GAB2: variants seen among roughly 807,000 people sequenced by gnomAD.
GAB2 encodes GRB2-associated-binding protein 2.
In GAB2, 26 loss-of-function variants were observed where a neutral mutation model predicts 65.5. The observed-to-expected ratio is 0.40, with a 90% CI of 0.29 to 0.55. GAB2 has a LOEUF of 0.55. Among genes scored for constraint, GAB2 ranks in the 20% least tolerant of loss-of-function variants. The pLI is 0.53. For synonymous variants in GAB2, 321 were observed against 329.6 expected (o/e 0.97, Z 0.28); for missense variants, 884 against 875.8 (o/e 1.01, Z -0.12).
At chr11:78,305,569 G>T (rs1855338457) in intron 1 of GAB2, among the ~76,000 whole-genome samples, 1 of 152,162 alleles carries the variant, frequency 6.6e-6, no homozygotes, top group African/African-American at 2.4e-5. Context: ...GCCTCTTTGT[G>T]TGGAGGTAAG....
At chr11:78,335,946 ACTT>A (rs1205478309) in intron 1 of GAB2, among the ~76,000 whole-genome samples, 1 of 151,980 alleles carries the variant, frequency 6.6e-6, no homozygotes, top group African/African-American at 2.4e-5. Flanking sequence ...GAGATCTTTC[ACTT>A]TTTTAGTTAA....
intron 1 of GAB2, among the ~76,000 whole-genome samples, chr11:78,389,730 C>T (rs1856810281): frequency 6.6e-6 from 1 of 152,136 alleles, no homozygotes; most frequent in African/African-American, 2.4e-5. Flanking sequence ...ATGTGAATTA[C>T]ATCCCAACAA....
rs56709163 is a variant in GAB2, at chr11:78,322,298, C to CAAAAAAAAAAAAAAAAA, written c.76-41414_76-41398dup. 5.0e-4 allele frequency among the ~76,000 whole-genome samples: 6 copies of CAAAAAAAAAAAAAAAAA among 12,076 alleles called. 1 individual carries two copies. Among genetic ancestry groups the CAAAAAAAAAAAAAAAAA allele is most frequent in the Admixed American group, 2.0e-3 (2 of 980 alleles). 7.9% of individuals were successfully genotyped at this position (12,076 alleles called of 152,430 possible). A position where few individuals can be genotyped will look rare whatever the true frequency, so the allele number is the denominator to read the frequency against. Reference sequence around the variant, plus strand: ...TGGCTGACAGAGGGAGACTCTGTCTCAAAAAAAAAAAAAAAAAAAAAAAAA... The same window carrying CAAAAAAAAAAAAAAAAA: ...TGGCTGACAGAGGGAGACTCTGTCTCAAAAAAAAAAAAAAAAAAAAAAAAAAAAAAAAAAAAAAAAAA... On this transcript the variant is annotated intron_variant, in intron 1 of 9. Coordinates refer to ENST00000361507, the MANE Select transcript of GAB2 (RefSeq NM_080491.3).
intron 3 of GAB2, among the ~76,000 whole-genome samples, chr11:78,230,257 C>G (rs779533812): frequency 6.6e-6 from 1 of 152,244 alleles, no homozygotes; most frequent in African/African-American, 2.4e-5. Context: ...CACTAGCTTA[C>G]GTTCCAACTT....
At position 78,226,848 on chromosome 11, in the gene GAB2, T is replaced by C. The variant is rs549120891; in HGVS notation, c.824A>G (p.His275Arg). Reference protein sequence around the residue: ...TYDLPRSLASHGHTKGSLTGS... With the variant: ...TYDLPRSLASRGHTKGSLTGS... ...TGTGAGGCTGCCCTTGGTGTGGCCA[T>C]GGGAGGCCAGGCTGCGGGGGAGGTC... Residue 275 changes from histidine to arginine, a missense_variant, in exon 4 of 10, where the codon CAT (histidine) becomes CGT (arginine). Coordinates refer to ENST00000361507, the MANE Select transcript of GAB2 (RefSeq NM_080491.3). 98 of 1,613,894 alleles carry C rather than the reference T, an allele frequency of 6.1e-5. 1 individual carries two copies. The South Asian group carries it at 9.8e-4, about 16-fold the overall frequency.
At chr11:78,287,572 C>G (rs566347879) in intron 1 of GAB2, among the ~76,000 whole-genome samples, 1 of 152,212 alleles carries the variant, frequency 6.6e-6, no homozygotes, top group South Asian at 2.1e-4. Flanking sequence ...ACCAGCAAAC[C>G]TGGCCTATAC....
chr11:78,310,949 T>G (rs1446101172), intron 1 of GAB2, among the ~76,000 whole-genome samples: 2 of 152,130 alleles, frequency 1.3e-5, no homozygotes, highest in Non-Finnish European at 2.9e-5. Context: ...TTACTAAAGG[T>G]TTTTTCTTTC....
chr11:78,351,026 C>G (rs1469263871), intron 1 of GAB2, among the ~76,000 whole-genome samples: 1 of 152,216 alleles, frequency 6.6e-6, no homozygotes, highest in African/African-American at 2.4e-5. Flanking sequence ...TTAGAGGAAA[C>G]AGACTCGCAG....
intron 1 of GAB2, among the ~76,000 whole-genome samples, chr11:78,306,752 A>C (rs1855370221): frequency 6.6e-6 from 1 of 152,240 alleles, no homozygotes; most frequent in African/African-American, 2.4e-5. Context: ...AACAGGATTT[A>C]GATTCTGAAG....
chr11:78,221,392 G>C (rs1274935040), intron 8 of GAB2, among the ~76,000 whole-genome samples: 1 of 152,146 alleles, frequency 6.6e-6, no homozygotes, highest in African/African-American at 2.4e-5. Flanking sequence ...GCCTATCCAA[G>C]GGCACAGATC....
At chr11:78,297,102 G>A (rs1866852276) in intron 1 of GAB2, among the ~76,000 whole-genome samples, 2 of 152,110 alleles carry the variant, frequency 1.3e-5, no homozygotes, top group East Asian at 1.9e-4. Context: ...ATTGATTTTG[G>A]GGTTACAAGT....
chr11:78,272,212 CT>C (rs1309973381), intron 2 of GAB2, among the ~76,000 whole-genome samples: 1 of 152,100 alleles, frequency 6.6e-6, no homozygotes, highest in Non-Finnish European at 1.5e-5. Context: ...GAAAAGATAA[CT>C]GAAAATATGG....
At chr11:78,287,169 T>G (rs1866506486) in intron 1 of GAB2, among the ~76,000 whole-genome samples, 1 of 152,196 alleles carries the variant, frequency 6.6e-6, no homozygotes, top group Non-Finnish European at 1.5e-5. Flanking sequence ...TTTGATAAAA[T>G]TAAACACTCA....
chr11:78,360,392 A>AT (rs1385685989), intron 1 of GAB2, among the ~76,000 whole-genome samples: 2 of 70,880 alleles, frequency 2.8e-5, no homozygotes, highest in Non-Finnish European at 4.1e-5. Context: ...CTGTTTCTGT[A>AT]TTTAAAAAAA....
intron 2 of GAB2, among the ~76,000 whole-genome samples, chr11:78,266,214 C>CAA (rs11445907): frequency 0.031 from 2,012 of 65,020 alleles, 302 homozygotes; most frequent in African/African-American, 0.099. Context: ...GACTCCATCT[C>CAA]AAAAAAAAAA....
chr11:78,318,270 AC>A (rs905681680), intron 1 of GAB2: 14 of 150,868 alleles, frequency 9.3e-5, no homozygotes, highest in African/African-American at 3.4e-4. Flanking sequence ...CAGCACAAGC[AC>A]CTTACAGAGT....
chr11:78,340,863 C>G (rs531136234), intron 1 of GAB2, among the ~76,000 whole-genome samples: 1 of 152,276 alleles, frequency 6.6e-6, no homozygotes, highest in African/African-American at 2.4e-5. Context: ...AGGTCTCAAA[C>G]CCAGATCTGG....
intron 1 of GAB2, among the ~76,000 whole-genome samples, chr11:78,318,375 A>AAAAAAAAAAAAAAAAAAAAAAAAAAAAC (rs1855656529): frequency 6.8e-6 from 1 of 146,268 alleles, no homozygotes; most frequent in African/African-American, 2.5e-5. Context: ...ATGCCAAAAA[A>AAAAAAAAAAAAAAAAAAAAAAAAAAAAC]AAAAAAAAAA....
In GAB2 at chr11:78,364,466, T is replaced by C. The variant is rs577528309; in HGVS notation, c.75+53180A>G. ...ATGAACTTAAAAGTTTCAATAAATA[T>C]CCTTAACTGGACACAATACATGCTA... On this transcript the variant is annotated intron_variant, in intron 1 of 9. Transcript: ENST00000361507. 1.2e-3 allele frequency among the ~76,000 whole-genome samples: 178 copies of C among 152,308 alleles called. 1 individual carries two copies. Among genetic ancestry groups the C allele is most frequent in the African/African-American group, 4.0e-3 (168 of 41,550 alleles).
Sources: gnomAD v4.1 joint callset for allele counts (sites outside exome capture counted in the v4.1 genomes callset) on GRCh38, gnomAD v4.1.1 for gene constraint, MANE v1.5 for transcripts, NCBI Gene and HGNC (gene_info 2026-07-23, HGNC 2026-07-21) for gene names.